Variants in LMX1A observed in about 807,000 individuals in gnomAD.
The protein encoded by LMX1A is LIM homeobox transcription factor 1-alpha.
In LMX1A, 15 loss-of-function variants were observed where a neutral mutation model predicts 49.1. That is an observed-to-expected ratio of 0.31 (90% CI 0.20 to 0.47). The LOEUF (loss-of-function observed/expected upper bound fraction) is 0.47. Ranked by LOEUF, LMX1A falls within the 20% of genes least tolerant of loss-of-function variation. The pLI is 1.00. For synonymous variants in LMX1A, 167 were observed against 185.7 expected (o/e 0.90, Z 0.82); for missense variants, 372 against 475.8 (o/e 0.78, Z 2.03).
chr1:165,205,757 G>T, intron 8 of LMX1A, 107 bp downstream of exon 8: 2 of 1,066,590 alleles, frequency 1.9e-6, no homozygotes, highest in Non-Finnish European at 2.8e-6. Context: ...ACATTATTCT[G>T]CTTTGGAACT....
intron 3 of LMX1A, among the ~76,000 whole-genome samples, chr1:165,313,258 G>T (rs1321736955): frequency 1.3e-5 from 2 of 152,266 alleles, no homozygotes; most frequent in African/African-American, 4.8e-5. Flanking sequence ...AGCAGCAGAT[G>T]ATTAAACCAA....
chr1:165,218,579 GT>G (rs1651723170), intron 4 of LMX1A: 2 of 152,264 alleles, frequency 1.3e-5, no homozygotes, highest in Admixed American at 6.5e-5. Context: ...TGAGGCTTTT[GT>G]TTTCTCTTTC....
chr1:165,349,048 A>G (rs1656336074), intron 3 of LMX1A, among the ~76,000 whole-genome samples: 1 of 152,110 alleles, frequency 6.6e-6, no homozygotes, highest in Non-Finnish European at 1.5e-5. Flanking sequence ...ATACTATCCC[A>G]CACTGCTCCT....
chr1:165,332,179 TA>T (rs1655767467), intron 3 of LMX1A, among the ~76,000 whole-genome samples: 1 of 152,044 alleles, frequency 6.6e-6, no homozygotes, highest in African/African-American at 2.4e-5. Context: ...TAAAATTCTT[TA>T]AAAATTCCAT....
chr1:165,336,351 A>G (rs1301330489), intron 3 of LMX1A, among the ~76,000 whole-genome samples: 2 of 152,116 alleles, frequency 1.3e-5, no homozygotes, highest in African/African-American at 4.8e-5. Flanking sequence ...GGATCACAGG[A>G]CACTTTGAAG....
At chr1:165,248,492 T>C (rs1252952377) in intron 4 of LMX1A, among the ~76,000 whole-genome samples, 1 of 152,232 alleles carries the variant, frequency 6.6e-6, no homozygotes, top group Non-Finnish European at 1.5e-5. Flanking sequence ...AGGCATTCCA[T>C]GTTTAATGTA....
At position 165,226,759 on chromosome 1, in the gene LMX1A, T is replaced by C. The variant is rs1201828081; in HGVS notation, c.497-12946A>G. Among the ~76,000 whole-genome samples the C allele has an allele frequency of 2.6e-5, 4 of 152,344 alleles. No individual in the cohort carries two copies. In the East Asian group the frequency reaches 7.7e-4, roughly 29 times the overall value. On this transcript the variant is annotated intron_variant, in intron 4 of 8. Coordinates refer to ENST00000342310, the MANE Select transcript of LMX1A (RefSeq NM_177398.4). Reference sequence around the variant, plus strand: ...AGAAGTTGTACATAGACCAAACTTCTGTAAGGTTGAATTTTATTTTCCCAA... The same window carrying C: ...AGAAGTTGTACATAGACCAAACTTCCGTAAGGTTGAATTTTATTTTCCCAA...
intron 2 of LMX1A, among the ~76,000 whole-genome samples, chr1:165,353,486 G>A (rs1255644287): frequency 6.6e-6 from 1 of 152,166 alleles, no homozygotes; most frequent in East Asian, 1.9e-4. Context: ...CCAAGCGGGG[G>A]AGGGTATAGA....
chr1:165,249,697 G>A, intron 3 of LMX1A, 57 bp from the exon 4 acceptor site: 1 of 1,365,666 alleles, frequency 7.3e-7, no homozygotes, highest in Non-Finnish European at 1.0e-6. Flanking sequence ...GCTTGGTCCT[G>A]GGTCTCCCCT....
At chr1:165,271,551 T>C (rs1048022876) in intron 3 of LMX1A, among the ~76,000 whole-genome samples, 4 of 152,192 alleles carry the variant, frequency 2.6e-5, no homozygotes, top group Non-Finnish European at 5.9e-5. Flanking sequence ...CCTATTCCTA[T>C]AGCTAATCGA....
intron 3 of LMX1A, among the ~76,000 whole-genome samples, chr1:165,339,005 A>G (rs1231878458): frequency 6.6e-6 from 1 of 152,230 alleles, no homozygotes; most frequent in Non-Finnish European, 1.5e-5. Flanking sequence ...GTTTGTGAGC[A>G]TGTTCCACAC....
intron 3 of LMX1A, among the ~76,000 whole-genome samples, chr1:165,342,895 G>A (rs1356003208): frequency 1.3e-5 from 2 of 151,964 alleles, no homozygotes; most frequent in African/African-American, 4.8e-5. Context: ...AGGAGTTAGA[G>A]GCTGGGGACA....
At chr1:165,261,607 T>TG (rs1411571374) in intron 3 of LMX1A, among the ~76,000 whole-genome samples, 1 of 152,206 alleles carries the variant, frequency 6.6e-6, no homozygotes, top group Non-Finnish European at 1.5e-5. Context: ...AGCAGCATTA[T>TG]GCACAGTAGC....
At chr1:165,231,688 GT>G (rs994103966) in intron 4 of LMX1A, among the ~76,000 whole-genome samples, 12 of 152,164 alleles carry the variant, frequency 7.9e-5, no homozygotes, top group African/African-American at 2.7e-4. Context: ...CCATGAACCT[GT>G]GTTTGGTGCA....
At chr1:165,320,493 G>T (rs1655352745) in intron 3 of LMX1A, among the ~76,000 whole-genome samples, 1 of 152,006 alleles carries the variant, frequency 6.6e-6, no homozygotes, top group Non-Finnish European at 1.5e-5. Context: ...TGAGAGAAAA[G>T]AAGAGACTGT....
chr1:165,335,085 A>C (rs1246430501), intron 3 of LMX1A, among the ~76,000 whole-genome samples: 1 of 152,240 alleles, frequency 6.6e-6, no homozygotes, highest in Non-Finnish European at 1.5e-5. Context: ...TATGTAAATT[A>C]GTTTGGGTTC....
chr1:165,333,025 C>T (rs1158632178), intron 3 of LMX1A, among the ~76,000 whole-genome samples: 1 of 152,196 alleles, frequency 6.6e-6, no homozygotes, highest in East Asian at 1.9e-4. Flanking sequence ...GCATTGGGAC[C>T]ATCACTTAGC....
At chr1:165,308,283 A>C (rs1381438054) in intron 3 of LMX1A, among the ~76,000 whole-genome samples, 4 of 152,216 alleles carry the variant, frequency 2.6e-5, no homozygotes, top group Non-Finnish European at 5.9e-5. Flanking sequence ...GAGAGCCGAT[A>C]ACACCTTCCA....
intron 6 of LMX1A, among the ~76,000 whole-genome samples, chr1:165,209,837 C>T (rs774022288): frequency 3.9e-5 from 6 of 152,104 alleles, no homozygotes; most frequent in Non-Finnish European, 8.8e-5. Context: ...CCAGTTGATC[C>T]GAAGCATAGG....
Sources: allele counts gnomAD v4.1 joint callset (sites outside exome capture counted in the v4.1 genomes callset), GRCh38; gene constraint gnomAD v4.1.1; transcripts MANE v1.5; gene names NCBI Gene and HGNC (gene_info 2026-07-23, HGNC 2026-07-21).